Variants in LRRC9 observed in about 807,000 individuals in gnomAD.
LRRC9 encodes leucine-rich repeat-containing protein 9.
LRRC9 carries 122 observed loss-of-function variants against 63.2 expected under a neutral mutation model. That is an observed-to-expected ratio of 1.93 (90% confidence interval 1.67 to 2.24). The LOEUF (loss-of-function observed/expected upper bound fraction) is 2.24. Ranked by LOEUF, LRRC9 falls within the 30% of genes most tolerant of loss-of-function variation. The probability of loss-of-function intolerance (pLI) is 0.00; values close to 1 mark genes in which losing one functional copy is unlikely to be tolerated. For missense variants in LRRC9, 1,071 were observed against 627.7 expected (o/e 1.71, Z -7.55); for synonymous variants, 366 against 213.1 (o/e 1.72, Z -6.25).
chr14:59,935,724 C>T (rs963779855), intron 6 of LRRC9, among the ~76,000 whole-genome samples: 8 of 152,146 alleles, frequency 5.3e-5, no homozygotes, highest in Admixed American at 2.0e-4. Flanking sequence ...TGATATCAGA[C>T]GTGAGTAGGA....
At chr14:59,996,020 G>A (rs571097664) in intron 17 of LRRC9, among the ~76,000 whole-genome samples, 90 of 152,212 alleles carry the variant, frequency 5.9e-4, no homozygotes, top group African/African-American at 1.6e-3. Context: ...GATTACAGGC[G>A]TGAGCCACCG....
At chr14:59,978,067 T>C (rs1454437077) in exon 15 of LRRC9, 3 of 702,298 alleles carry the variant, frequency 4.3e-6, no homozygotes, top group Admixed American at 4.0e-5. Flanking sequence ...GCAGTGCAAG[T>C]GGTTTGTCTT....
Position 60,027,867 on chromosome 14 carries a change from G to T in LRRC9, c.3704-17G>T. On this transcript the variant is annotated splice_polypyrimidine_tract_variant and intron_variant, in intron 27 of 31. Coordinates refer to ENST00000445360, the Ensembl canonical transcript of LRRC9. The surrounding 1 kb of genome is among the most constrained non-coding windows in gnomAD (Gnocchi z 4.0). Reference sequence around the variant, plus strand: ...AGTTTGGGCTCACTTGATATATCATGACTTATCTCTTTTTAGGTAATGAAA... The same window carrying T: ...AGTTTGGGCTCACTTGATATATCATTACTTATCTCTTTTTAGGTAATGAAA... 1 of 689,460 alleles carries T rather than the reference G, an allele frequency of 1.5e-6. No homozygotes were observed. Among genetic ancestry groups the T allele is most frequent in the South Asian group, 1.5e-5 (1 of 65,228 alleles). 42.7% of individuals were successfully genotyped at this position (689,460 alleles called of 1,614,324 possible).
chr14:60,042,901 A>G lies in LRRC9; in HGVS notation c.3991-10164A>G, dbSNP rs1293788865. Among the ~76,000 whole-genome samples the G allele has an allele frequency of 6.6e-6, 1 of 152,176 alleles. No homozygotes were observed. The highest frequency in any genetic ancestry group is 1.9e-4 in the East Asian group (1 of 5,198). ...ACCTCCCATGTATTGTCATTTTAACAATATTAATTATTCCAATCCATGAGC... is the reference window on the plus strand; with the variant it reads ...ACCTCCCATGTATTGTCATTTTAACGATATTAATTATTCCAATCCATGAGC... On this transcript the variant is annotated intron_variant, in intron 29 of 31. Coordinates refer to ENST00000445360, the Ensembl canonical transcript of LRRC9. The surrounding 1 kb of genome is among the most constrained non-coding windows in gnomAD (Gnocchi z 4.2).
intron 1 of LRRC9, among the ~76,000 whole-genome samples, chr14:59,926,879 C>T (rs565316907): frequency 6.6e-6 from 1 of 152,214 alleles, no homozygotes; most frequent in Non-Finnish European, 1.5e-5. Context: ...CACTATTTAA[C>T]CCCCAACTGG....
At chr14:60,000,803 T>G (rs948196325) in intron 19 of LRRC9, among the ~76,000 whole-genome samples, 14 of 152,106 alleles carry the variant, frequency 9.2e-5, no homozygotes, top group Admixed American at 2.6e-4. Context: ...TCAAAGAAAG[T>G]GAAAAGACAA....
chr14:60,061,420 A>C (rs1894651738), intron 31 of LRRC9, among the ~76,000 whole-genome samples: 3 of 152,230 alleles, frequency 2.0e-5, no homozygotes, highest in South Asian at 4.1e-4. Context: ...CATTCACATG[A>C]TCATTAGCAT....
At chr14:60,037,834 C>G (rs1176613849) in intron 29 of LRRC9, among the ~76,000 whole-genome samples, 1 of 152,146 alleles carries the variant, frequency 6.6e-6, no homozygotes, top group Non-Finnish European at 1.5e-5. Flanking sequence ...GTCATGAAGT[C>G]CTTGTCCATG....
At chr14:60,028,369 T>A (rs183714385) in intron 28 of LRRC9, among the ~76,000 whole-genome samples, 10 of 152,218 alleles carry the variant, frequency 6.6e-5, no homozygotes, top group Admixed American at 6.6e-4. Context: ...CAGTCCTCTC[T>A]GAGAGTTCTC....
chr14:59,990,174 G>A lies in LRRC9; in HGVS notation c.2211+4950G>A, dbSNP rs219352. On this transcript the variant is annotated intron_variant, in intron 17 of 31. Transcript: ENST00000445360. This position sits in a 1 kb window ranked among gnomAD's most constrained non-coding sequence, Gnocchi z 4.2. ...ACTCCCGACTTCAGGTGATCTGCCC[G>A]CCTCGACCTCCCAAAGTGCTGGGAT... Among the ~76,000 whole-genome samples, 113,234 of 151,914 alleles carry A rather than the reference G, an allele frequency of 0.75. 44,374 individuals carry two copies. The highest frequency in any genetic ancestry group is 0.87 in the Non-Finnish European group (58,999 of 67,976).
At chr14:60,008,622 G>T in intron 23 of LRRC9, among the ~76,000 whole-genome samples, 1 of 152,114 alleles carries the variant, frequency 6.6e-6, no homozygotes, top group Non-Finnish European at 1.5e-5. Context: ...CCAACATGTG[G>T]TATGTCAACA....
chr14:59,947,918 G>A (rs1329256167), intron 8 of LRRC9, among the ~76,000 whole-genome samples: 1 of 151,878 alleles, frequency 6.6e-6, no homozygotes, highest in Non-Finnish European at 1.5e-5. Flanking sequence ...TAGCCTTGTA[G>A]TATAGTTTGA....
In LRRC9 at chr14:60,004,757, C is replaced by T. The variant is rs1391630332; in HGVS notation, c.2842+959C>T. Among the ~76,000 whole-genome samples the T allele has an allele frequency of 6.6e-6, 1 of 152,180 alleles. No homozygotes were observed. Among genetic ancestry groups the T allele is most frequent in the East Asian group, 1.9e-4 (1 of 5,184 alleles). The stretch of plus-strand genomic sequence containing the variant: ...ATTGAAAGAAGCTTTCCATGACTTG[C>T]TACCAACTTTCTCTTATTCTCCCTC... On this transcript the variant is annotated intron_variant, in intron 21 of 31. Coordinates refer to ENST00000445360, the Ensembl canonical transcript of LRRC9. This position sits in a 1 kb window ranked among gnomAD's most constrained non-coding sequence, Gnocchi z 4.8.
chr14:59,939,508 A>G (rs1243539119), intron 7 of LRRC9, among the ~76,000 whole-genome samples: 1 of 152,072 alleles, frequency 6.6e-6, no homozygotes, highest in Non-Finnish European at 1.5e-5. Flanking sequence ...AGTTGAAAGC[A>G]GAGAGACCAG....
chr14:60,063,035 C>T (rs1314548992), intron 31 of LRRC9, among the ~76,000 whole-genome samples: 6 of 151,914 alleles, frequency 3.9e-5, no homozygotes, highest in Admixed American at 2.6e-4. Flanking sequence ...GGGATTACTA[C>T]GGGCATGCGC....
chr14:59,960,333 A>G (rs916233991), intron 9 of LRRC9, among the ~76,000 whole-genome samples: 2 of 152,214 alleles, frequency 1.3e-5, no homozygotes, highest in African/African-American at 4.8e-5. Flanking sequence ...CTCACCAAAT[A>G]GATGAGACCT....
rs541104530 is a variant in LRRC9, at chr14:59,926,834, T to C, written c.-33-1077T>C. The stretch of plus-strand genomic sequence containing the variant: ...TAGGTAGAAACCCCAAAGAAATTTG[T>C]AGCTATGACCTGTATGACAAAATGT... On this transcript the variant is annotated intron_variant, in intron 1 of 31. Coordinates refer to ENST00000445360, the Ensembl canonical transcript of LRRC9. 4.6e-5 allele frequency among the ~76,000 whole-genome samples: 7 copies of C among 152,282 alleles called. No homozygotes were observed. The South Asian group carries it at 1.4e-3, about 32-fold the overall frequency.
exon 18 of LRRC9, chr14:59,997,689 C>G (rs1002889365): frequency 1.4e-6 from 1 of 701,022 alleles, no homozygotes; most frequent in South Asian, 1.5e-5. Flanking sequence ...AAGCCATAAC[C>G]ATGTGATAAC....
In LRRC9 at chr14:59,966,237, C is replaced by A. The variant is rs2139998366; in HGVS notation, c.1212-352C>A. On this transcript the variant is annotated intron_variant, in intron 10 of 31. Transcript: ENST00000445360. This position sits in a 1 kb window ranked among gnomAD's most constrained non-coding sequence, Gnocchi z 4.0. ...CATCTAGGGAGAGTGTTCGTGGAAGCAAGAGGAAGGCCAAAGGCTGATCCC... is the reference window on the plus strand; with the variant it reads ...CATCTAGGGAGAGTGTTCGTGGAAGAAAGAGGAAGGCCAAAGGCTGATCCC... 6.6e-6 allele frequency among the ~76,000 whole-genome samples: 1 copy of A among 152,142 alleles called. No homozygotes were observed. The highest frequency in any genetic ancestry group is 1.9e-4 in the East Asian group (1 of 5,152).
Sources: gnomAD v4.1 joint callset for allele counts (sites outside exome capture counted in the v4.1 genomes callset) on GRCh38, gnomAD v4.1.1 for gene constraint, Gnocchi (gnomAD v3.1) non-coding constraint, MANE v1.5 for transcripts, NCBI Gene and HGNC (gene_info 2026-07-23, HGNC 2026-07-21) for gene names.